Variants in KCND2 observed in about 807,000 individuals in gnomAD.
The protein encoded by KCND2 is A-type voltage-gated potassium channel KCND2.
KCND2 carries 16 observed loss-of-function variants against 54.4 expected under a neutral mutation model. The observed-to-expected ratio is 0.29, with a 90% CI of 0.20 to 0.45. The LOEUF (loss-of-function observed/expected upper bound fraction) is 0.45. Ranked by LOEUF, KCND2 falls within the 20% of genes least tolerant of loss-of-function variation. The pLI is 1.00. For missense variants in KCND2, 486 were observed against 824.2 expected (o/e 0.59, Z 5.02); for synonymous variants, 317 against 310.7 (o/e 1.02, Z -0.21).
intron 1 of KCND2, among the ~76,000 whole-genome samples, chr7:120,420,091 T>C (rs1376256773): frequency 6.6e-6 from 1 of 151,996 alleles, no homozygotes; most frequent in Non-Finnish European, 1.5e-5. Flanking sequence ...TAAACCTGTT[T>C]CTTTTTTTTA....
chr7:120,587,488 G>A (rs541355835), intron 1 of KCND2, among the ~76,000 whole-genome samples: 1 of 152,168 alleles, frequency 6.6e-6, no homozygotes, highest in South Asian at 2.1e-4. Context: ...TATTCATGTG[G>A]TTATAAGTGA....
chr7:120,629,945 A>G (rs1042584057), intron 1 of KCND2, among the ~76,000 whole-genome samples: 33 of 152,176 alleles, frequency 2.2e-4, no homozygotes, highest in African/African-American at 8.0e-4. Context: ...ATGGTAAGTA[A>G]GCTGTTGGCT....
intron 1 of KCND2, among the ~76,000 whole-genome samples, chr7:120,728,169 GAA>G (rs1792759569): frequency 6.7e-6 from 1 of 148,442 alleles, no homozygotes; most frequent in South Asian, 2.1e-4. Context: ...AAAAAGAAAA[GAA>G]AAGAGTATAG....
chr7:120,458,899 G>C (rs913459915), intron 1 of KCND2, among the ~76,000 whole-genome samples: 34 of 150,100 alleles, frequency 2.3e-4, no homozygotes, highest in African/African-American at 8.1e-4. Context: ...TAGGAGACCA[G>C]GTAGGAAGTA....
chr7:120,608,413 T>C (rs994753155), intron 1 of KCND2, among the ~76,000 whole-genome samples: 4 of 152,072 alleles, frequency 2.6e-5, no homozygotes, highest in Non-Finnish European at 5.9e-5. Flanking sequence ...TTCAAGTAAA[T>C]AGAAAAAAAT....
chr7:120,681,684 T>G (rs1792141467), intron 1 of KCND2, among the ~76,000 whole-genome samples: 1 of 152,106 alleles, frequency 6.6e-6, no homozygotes, highest in African/African-American at 2.4e-5. Context: ...TCTTCATCTT[T>G]TAATCATAAC....
intron 1 of KCND2, among the ~76,000 whole-genome samples, chr7:120,397,815 C>A (rs62471555): frequency 4.0e-5 from 6 of 151,086 alleles, no homozygotes; most frequent in African/African-American, 7.3e-5. Context: ...ACTTTTCTAC[C>A]TATTTAAATA....
At chr7:120,480,691 G>A (rs919120598) in intron 1 of KCND2, among the ~76,000 whole-genome samples, 1 of 152,270 alleles carries the variant, frequency 6.6e-6, no homozygotes, top group African/African-American at 2.4e-5. Flanking sequence ...TTTCCACCAT[G>A]GGATGACTCT....
chr7:120,417,505 C>G (rs1801541110), intron 1 of KCND2, among the ~76,000 whole-genome samples: 1 of 152,126 alleles, frequency 6.6e-6, no homozygotes. Flanking sequence ...GTTGACTGGT[C>G]TATTTTTAAA....
intron 1 of KCND2, among the ~76,000 whole-genome samples, chr7:120,325,151 G>A (rs1210221776): frequency 6.9e-6 from 1 of 144,724 alleles, no homozygotes; most frequent in African/African-American, 2.6e-5. Flanking sequence ...CATTGATTTT[G>A]TATCCTGAGA....
intron 1 of KCND2, among the ~76,000 whole-genome samples, chr7:120,642,595 G>A (rs1006240094): frequency 3.2e-4 from 48 of 150,262 alleles, no homozygotes; most frequent in Non-Finnish European, 6.5e-4. Context: ...TATATATGTA[G>A]ATATAATTAA....
chr7:120,684,630 C>T (rs1448235106), intron 1 of KCND2, among the ~76,000 whole-genome samples: 3 of 151,980 alleles, frequency 2.0e-5, no homozygotes, highest in African/African-American at 7.3e-5. Context: ...CAGGGCTCCT[C>T]GATTACCCTA....
chr7:120,443,056 G>A (rs753304189), intron 1 of KCND2, among the ~76,000 whole-genome samples: 3 of 151,978 alleles, frequency 2.0e-5, no homozygotes, highest in Admixed American at 2.0e-4. Flanking sequence ...TTTCTGGGCT[G>A]GTGCCTTCTA....
chr7:120,525,056 A>G (rs1389861636), intron 1 of KCND2, among the ~76,000 whole-genome samples: 1 of 152,136 alleles, frequency 6.6e-6, no homozygotes, highest in East Asian at 1.9e-4. Context: ...ATCTTGAACT[A>G]TATTTTAGCC....
chr7:120,427,199 ACTAT>A (rs1197314936), intron 1 of KCND2, among the ~76,000 whole-genome samples: 2 of 152,160 alleles, frequency 1.3e-5, no homozygotes, highest in African/African-American at 4.8e-5. Context: ...ATCATACGCC[ACTAT>A]CTGTCAACAT....
At chr7:120,580,730 A>T (rs1379850602) in intron 1 of KCND2, among the ~76,000 whole-genome samples, 1 of 152,130 alleles carries the variant, frequency 6.6e-6, no homozygotes, top group East Asian at 1.9e-4. Context: ...TTACTATCTT[A>T]TACTTTCTGC....
chr7:120,478,698 C>G (rs1186066646), intron 1 of KCND2, among the ~76,000 whole-genome samples: 1 of 151,826 alleles, frequency 6.6e-6, no homozygotes, highest in East Asian at 1.9e-4. Flanking sequence ...AGTAAAAAGC[C>G]CTACTAACAA....
rs113198821 is a variant in KCND2 at position 120,733,430 on chromosome 7, C to T, written c.1278+365C>T. On this transcript the variant is annotated intron_variant, in intron 2 of 5. Transcript: ENST00000331113. ...GTCTATTGCATTAACCAAAGCAAAT[C>T]ACACAGCAATGTCTAATTTCAAAGT... Among the ~76,000 whole-genome samples the T allele has an allele frequency of 1.9e-4, 29 of 152,230 alleles. 1 individual carries two copies. The highest frequency in any genetic ancestry group is 6.7e-4 in the African/African-American group (28 of 41,556).
chr7:120,295,319 TC>T (rs1274263851), intron 1 of KCND2, among the ~76,000 whole-genome samples: 1 of 150,652 alleles, frequency 6.6e-6, no homozygotes, highest in Non-Finnish European at 1.5e-5. Context: ...AGGCATATTT[TC>T]TGCCCTGAAA....
Sources: gnomAD v4.1 joint callset for allele counts (sites outside exome capture counted in the v4.1 genomes callset) on GRCh38, gnomAD v4.1.1 for gene constraint, MANE v1.5 for transcripts, NCBI Gene and HGNC (gene_info 2026-07-23, HGNC 2026-07-21) for gene names.